LHFPL3: variants seen among roughly 807,000 people sequenced by gnomAD.
The protein encoded by LHFPL3 is LHFPL tetraspan subfamily member 3 protein.
A neutral mutation model predicts 19.3 loss-of-function variants in LHFPL3; 5 were observed. The ratio of observed to expected loss-of-function variants is 0.26; its 90% confidence interval spans 0.14 to 0.54. LHFPL3 has a LOEUF of 0.54. Ranked by LOEUF, LHFPL3 falls within the 20% of genes least tolerant of loss-of-function variation. LHFPL3 has a pLI of 0.94. For synonymous variants in LHFPL3, 133 were observed against 126.2 expected, an observed-to-expected ratio of 1.05 and a Z score of -0.36; for missense variants, 249 against 307.4, an observed-to-expected ratio of 0.81 and a Z score of 1.42.
intron 1 of LHFPL3, among the ~76,000 whole-genome samples, chr7:104,629,358 T>C (rs1183860906): frequency 6.6e-6 from 1 of 152,094 alleles, no homozygotes; most frequent in African/African-American, 2.4e-5. Context: ...TTGGCCACTG[T>C]TCATGATTCT....
chr7:104,741,300 A>G (rs1439416942), intron 2 of LHFPL3, among the ~76,000 whole-genome samples: 1 of 152,176 alleles, frequency 6.6e-6, no homozygotes, highest in Non-Finnish European at 1.5e-5. Flanking sequence ...ATTAAAATGA[A>G]GGAATTTTAA....
intron 2 of LHFPL3, among the ~76,000 whole-genome samples, chr7:104,893,428 C>A (rs1444233197): frequency 6.6e-6 from 1 of 151,296 alleles, no homozygotes; most frequent in Non-Finnish European, 1.5e-5. Flanking sequence ...GCAGGAGAAT[C>A]GCTTGAACCT....
At chr7:104,553,207 C>T (rs536712688) in intron 1 of LHFPL3, among the ~76,000 whole-genome samples, 8 of 152,212 alleles carry the variant, frequency 5.3e-5, no homozygotes, top group African/African-American at 1.9e-4. Context: ...TTTGCAATAT[C>T]CTTTCCCAAG....
At chr7:104,556,943 C>G (rs1789849735) in intron 1 of LHFPL3, among the ~76,000 whole-genome samples, 1 of 152,198 alleles carries the variant, frequency 6.6e-6, no homozygotes, top group Non-Finnish European at 1.5e-5. Context: ...ATGCCCCAGT[C>G]TCTTTGCTAA....
intron 2 of LHFPL3, among the ~76,000 whole-genome samples, chr7:104,787,246 T>C (rs1441751985): frequency 1.3e-5 from 2 of 152,178 alleles, no homozygotes; most frequent in African/African-American, 4.8e-5. Flanking sequence ...AGATGATTTG[T>C]GGAAATATAG....
rs75458090 is a variant in LHFPL3, at chr7:104,597,871, A to G, written c.446-138804A>G. ...AAACTCATACTAACTTGGATATAAC[A>G]TATCTAAACAGGATCTAGTTTGAGG... On this transcript the variant is annotated intron_variant, in intron 1 of 2. Transcript: ENST00000424859. Among the ~76,000 whole-genome samples, 112 of 152,346 alleles carry G rather than the reference A, an allele frequency of 7.4e-4. No individual in the cohort carries two copies. In the East Asian group the frequency reaches 0.019, roughly 26 times the overall value.
At chr7:104,778,753 C>T (rs952964919) in intron 2 of LHFPL3, among the ~76,000 whole-genome samples, 1 of 152,192 alleles carries the variant, frequency 6.6e-6, no homozygotes. Context: ...ACCAGGCTGC[C>T]TCAGTTAAAA....
chr7:104,418,978 A>G (rs1028936438), intron 1 of LHFPL3, among the ~76,000 whole-genome samples: 3 of 152,324 alleles, frequency 2.0e-5, no homozygotes, highest in African/African-American at 7.2e-5. Flanking sequence ...TGATAAGAAA[A>G]CTGTAGCTCA....
At chr7:104,329,343 C>T (rs1050931069) in intron 1 of LHFPL3, 119 bp downstream of exon 1, 503 of 1,334,078 alleles carry the variant, frequency 3.8e-4, no homozygotes, top group Non-Finnish European at 4.7e-4. Flanking sequence ...GCCTAATCCG[C>T]TCAGGCGTCG....
intron 1 of LHFPL3, among the ~76,000 whole-genome samples, chr7:104,560,866 A>G (rs1470159876): frequency 6.7e-6 from 1 of 149,820 alleles, no homozygotes; most frequent in Admixed American, 6.6e-5. Context: ...CGTCCCAGAG[A>G]TTCTGGTATG....
intron 1 of LHFPL3, chr7:104,668,000 T>C (rs1379254182): frequency 6.2e-7 from 1 of 1,613,488 alleles, no homozygotes; most frequent in East Asian, 2.2e-5. Context: ...GGGAACCCAA[T>C]ATCGACCGGA....
intron 2 of LHFPL3, among the ~76,000 whole-genome samples, chr7:104,742,438 G>A (rs536451220): frequency 1.1e-4 from 17 of 152,162 alleles, no homozygotes; most frequent in African/African-American, 4.1e-4. Context: ...TAGTGGAGGA[G>A]GTAGAATAAA....
intron 1 of LHFPL3, among the ~76,000 whole-genome samples, chr7:104,603,218 C>G (rs1791021573): frequency 6.8e-6 from 1 of 147,916 alleles, no homozygotes; most frequent in Non-Finnish European, 1.5e-5. Context: ...TCTTTCAAGA[C>G]ATGGTCTTGC....
At chr7:104,464,736 A>C (rs1213979367) in intron 1 of LHFPL3, among the ~76,000 whole-genome samples, 2 of 152,220 alleles carry the variant, frequency 1.3e-5, no homozygotes, top group South Asian at 4.1e-4. Context: ...ACTGAGCAGC[A>C]GGGAGGCCCT....
chr7:104,487,533 G>A (rs1341417635), intron 1 of LHFPL3, among the ~76,000 whole-genome samples: 1 of 152,160 alleles, frequency 6.6e-6, no homozygotes, highest in East Asian at 1.9e-4. Context: ...CACATCTTTG[G>A]GATGTGGGAG....
chr7:104,765,603 C>T (rs1292131455), intron 2 of LHFPL3, among the ~76,000 whole-genome samples: 2 of 152,178 alleles, frequency 1.3e-5, no homozygotes, highest in South Asian at 2.1e-4. Flanking sequence ...GCATTTTCTG[C>T]ACCATCTTTA....
chr7:104,850,031 G>A (rs913559286), intron 2 of LHFPL3, among the ~76,000 whole-genome samples: 4 of 152,282 alleles, frequency 2.6e-5, no homozygotes, highest in African/African-American at 4.8e-5. Context: ...GGCCGGGCGC[G>A]GTGGCTCACG....
intron 1 of LHFPL3, among the ~76,000 whole-genome samples, chr7:104,629,916 A>G (rs1000811705): frequency 1.1e-4 from 17 of 152,168 alleles, no homozygotes; most frequent in Non-Finnish European, 2.1e-4. Context: ...CCTCAAGGGT[A>G]TGGATAATTT....
At chr7:104,419,720 A>T (rs1413076354) in intron 1 of LHFPL3, among the ~76,000 whole-genome samples, 1 of 152,190 alleles carries the variant, frequency 6.6e-6, no homozygotes, top group African/African-American at 2.4e-5. Flanking sequence ...TTCTGAGTAG[A>T]GATAATCATG....
Sources: gnomAD v4.1 joint callset for allele counts (sites outside exome capture counted in the v4.1 genomes callset) on GRCh38, gnomAD v4.1.1 for gene constraint, MANE v1.5 for transcripts, NCBI Gene and HGNC (gene_info 2026-07-23, HGNC 2026-07-21) for gene names.